The following FRAS1 variants were observed in gnomAD, a reference collection of about 807,000 sequenced individuals.
FRAS1 encodes Fraser extracellular matrix complex subunit 1.
FRAS1 carries 290 observed loss-of-function variants against 435.2 expected under a neutral mutation model. The observed-to-expected ratio is 0.67, with a 90% CI of 0.61 to 0.73. FRAS1 has a LOEUF of 0.73. Ranked by LOEUF, FRAS1 falls within the 30% of genes least tolerant of loss-of-function variation. The pLI, the probability that FRAS1 is intolerant of heterozygous loss-of-function variation, is 0.00. For synonymous variants in FRAS1, 1,800 were observed against 1,851.0 expected (o/e 0.97, Z 0.71); for missense variants, 4,860 against 5,001.5 (o/e 0.97, Z 0.85).
chr4:78,161,768 A>AAAAAAAAAAAAAAAG (rs1553925507), intron 2 of FRAS1, among the ~76,000 whole-genome samples: 3 of 140,658 alleles, frequency 2.1e-5, no homozygotes, highest in African/African-American at 8.5e-5. Flanking sequence ...AAAAAAAAAA[A>AAAAAAAAAAAAAAAG]AAAAGAAAAG....
At chr4:78,538,578 C>T (rs1305977169) in intron 72 of FRAS1, among the ~76,000 whole-genome samples, 1 of 152,128 alleles carries the variant, frequency 6.6e-6, no homozygotes, top group Non-Finnish European at 1.5e-5. Flanking sequence ...CTCTTACAAT[C>T]ATAGCAGAAG....
rs760865164 is a variant in FRAS1 at position 78,441,252 on chromosome 4, C to T, written c.5620C>T (p.Leu1874=). 3 of 1,613,492 alleles carry T rather than the reference C, an allele frequency of 1.9e-6. No individual in the cohort carries two copies. In the East Asian group the frequency reaches 6.7e-5, roughly 36 times the overall value. ...CCTCCAGAGAGATGCCATCATTAAA[C>T]TAAGTGCTCTGCCCAAATATGGCTG... is the stretch of plus-strand genomic sequence containing the variant. ...DNLQRDAIIK[L]SALPKYGCIE... The change falls in exon 41 of 74, where the codon CTA becomes TTA. Residue 1874 remains leucine, a synonymous_variant. Transcript: ENST00000512123.
chr4:78,523,120 A>G (rs2109895852), intron 69 of FRAS1, among the ~76,000 whole-genome samples: 1 of 152,234 alleles, frequency 6.6e-6, no homozygotes, highest in South Asian at 2.1e-4. Context: ...AAGAAATGAC[A>G]TTCTAGCAAA....
rs548545917 is a variant in FRAS1, at chr4:78,360,363, G to A, written c.2423-3150G>A. Among the ~76,000 whole-genome samples the A allele has an allele frequency of 6.7e-4, 102 of 152,264 alleles. 1 individual carries two copies. The Middle Eastern group carries it at 0.027, about 41-fold the overall frequency. ...ATGAAGTGAGGAGTTAGAGAGGCAAGGAAGTTGGGTAGTTAAGGGAAGGCA... is the reference window on the plus strand; with the variant it reads ...ATGAAGTGAGGAGTTAGAGAGGCAAAGAAGTTGGGTAGTTAAGGGAAGGCA... On this transcript the variant is annotated intron_variant, in intron 20 of 73. Coordinates refer to ENST00000512123, the MANE Select transcript of FRAS1 (RefSeq NM_025074.7).
chr4:78,505,362 C>G (rs140385918), intron 61 of FRAS1, among the ~76,000 whole-genome samples: 21,954 of 152,210 alleles, frequency 0.14, 1,903 homozygotes, highest in Non-Finnish European at 0.21. Flanking sequence ...TTCAGGTACA[C>G]CAATCAAATG....
intron 14 of FRAS1, among the ~76,000 whole-genome samples, chr4:78,290,079 A>T (rs1056244781): frequency 2.6e-5 from 4 of 152,160 alleles, no homozygotes; most frequent in African/African-American, 4.8e-5. Context: ...AACTGTGCAC[A>T]CAAATCTTAG....
At chr4:78,112,469 T>A (rs1368619694) in intron 2 of FRAS1, among the ~76,000 whole-genome samples, 1 of 152,070 alleles carries the variant, frequency 6.6e-6, no homozygotes, top group East Asian at 1.9e-4. Context: ...TTCTGATAAC[T>A]TTTTTTGAGG....
chr4:78,081,224 A>C (rs1323579742), intron 2 of FRAS1, among the ~76,000 whole-genome samples: 1 of 152,172 alleles, frequency 6.6e-6, no homozygotes, highest in African/African-American at 2.4e-5. Flanking sequence ...GGCCTCGTGG[A>C]AATCTAGACC....
At chr4:78,076,915 A>C (rs1740664234) in intron 2 of FRAS1, among the ~76,000 whole-genome samples, 1 of 152,210 alleles carries the variant, frequency 6.6e-6, no homozygotes. Context: ...AAAAATTCTC[A>C]ATAACACCAG....
intron 47 of FRAS1, among the ~76,000 whole-genome samples, chr4:78,454,104 C>T (rs1423850954): frequency 1.3e-5 from 2 of 151,850 alleles, no homozygotes; most frequent in Non-Finnish European, 2.9e-5. Flanking sequence ...GAGGGAAGCC[C>T]TCTGTAATAA....
At chr4:78,308,030 C>G (rs372679628) in intron 14 of FRAS1, 36 bp from the exon 15 acceptor site, 11 of 1,560,876 alleles carry the variant, frequency 7.0e-6, no homozygotes, top group East Asian at 4.5e-5. Flanking sequence ...TCCTTTCTGC[C>G]GTAGATTACT....
At chr4:78,211,401 C>T (rs1723495127) in intron 2 of FRAS1, among the ~76,000 whole-genome samples, 2 of 152,180 alleles carry the variant, frequency 1.3e-5, no homozygotes, top group Non-Finnish European at 2.9e-5. Context: ...AGCAGGGAGG[C>T]AGGAGGCTGA....
chr4:78,518,220 A>G (rs1231369020), intron 66 of FRAS1, among the ~76,000 whole-genome samples: 1 of 152,162 alleles, frequency 6.6e-6, no homozygotes, highest in Middle Eastern at 3.4e-3. Context: ...GAAAGTTGGC[A>G]TCAAATTTTA....
At chr4:78,508,351 T>A (rs552556169) in intron 62 of FRAS1, among the ~76,000 whole-genome samples, 17 of 152,360 alleles carry the variant, frequency 1.1e-4, no homozygotes, top group South Asian at 6.2e-4. Context: ...TTTACTCTTA[T>A]TTTGCCAAAT....
chr4:78,329,346 T>C (rs994300175), intron 18 of FRAS1, among the ~76,000 whole-genome samples: 2 of 152,208 alleles, frequency 1.3e-5, no homozygotes, highest in Non-Finnish European at 2.9e-5. Context: ...ATCCTCCCCC[T>C]CAATGCATTT....
chr4:78,402,577 CT>C (rs757856186), intron 30 of FRAS1, among the ~76,000 whole-genome samples: 5 of 152,050 alleles, frequency 3.3e-5, no homozygotes, highest in Non-Finnish European at 7.4e-5. Context: ...AATAAAAGCT[CT>C]TGAATACCCT....
intron 2 of FRAS1, among the ~76,000 whole-genome samples, chr4:78,070,065 A>T (rs1168957468): frequency 1.3e-5 from 2 of 151,516 alleles, no homozygotes; most frequent in South Asian, 4.2e-4. Context: ...TCTGTCCCTG[A>T]CCTCCTGCTA....
intron 26 of FRAS1, among the ~76,000 whole-genome samples, chr4:78,378,218 A>G (rs1054567616): frequency 3.3e-5 from 5 of 152,144 alleles, no homozygotes; most frequent in African/African-American, 1.2e-4. Context: ...TAATATTTTC[A>G]AGGTTCATCC....
At chr4:78,373,709 AG>A (rs1731604895) in intron 24 of FRAS1, among the ~76,000 whole-genome samples, 1 of 152,002 alleles carries the variant, frequency 6.6e-6, no homozygotes, top group Non-Finnish European at 1.5e-5. Context: ...CGGGAGGCAG[AG>A]GTTGCGGTGA....
Sources: allele counts gnomAD v4.1 joint callset (sites outside exome capture counted in the v4.1 genomes callset), GRCh38; gene constraint gnomAD v4.1.1; transcripts MANE v1.5; gene names NCBI Gene and HGNC (gene_info 2026-07-23, HGNC 2026-07-21).